Variants in GRID1 observed in about 807,000 individuals in gnomAD.
GRID1 encodes glutamate ionotropic receptor delta type subunit 1, also known as glutamate receptor ionotropic, delta-1.
In GRID1, 28 loss-of-function variants were observed where a neutral mutation model predicts 98.0. The observed-to-expected ratio is 0.29, with a 90% CI of 0.21 to 0.39. The LOEUF (loss-of-function observed/expected upper bound fraction) is 0.39, where lower values mean the gene tolerates loss of function less well. Ranked by LOEUF, GRID1 falls within the 10% of genes least tolerant of loss-of-function variation. The pLI is 1.00. For synonymous variants in GRID1, 553 were observed against 538.5 expected, an observed-to-expected ratio of 1.03 and a Z score of -0.37; for missense variants, 1,111 against 1,340.5, an observed-to-expected ratio of 0.83 and a Z score of 2.67.
chr10:85,634,288 C>T (rs914357168), intron 13 of GRID1, among the ~76,000 whole-genome samples: 95 of 130,018 alleles, frequency 7.3e-4, no homozygotes, highest in African/African-American at 2.2e-3. Context: ...CTCTCTCTCT[C>T]TCTCACACAC....
chr10:85,960,035 C>T (rs1842246021), intron 4 of GRID1, among the ~76,000 whole-genome samples: 1 of 152,104 alleles, frequency 6.6e-6, no homozygotes, highest in Non-Finnish European at 1.5e-5. Flanking sequence ...GCATGTGCCA[C>T]CACTCCTGGC....
At chr10:86,071,821 A>C (rs970796471) in intron 4 of GRID1, among the ~76,000 whole-genome samples, 2 of 152,198 alleles carry the variant, frequency 1.3e-5, no homozygotes, top group Non-Finnish European at 2.9e-5. Context: ...AGGGAAACCC[A>C]GACTACCATG....
chr10:86,043,667 A>T (rs1843379225), intron 4 of GRID1, among the ~76,000 whole-genome samples: 1 of 152,224 alleles, frequency 6.6e-6, no homozygotes, highest in South Asian at 2.1e-4. Flanking sequence ...AATTCAATAA[A>T]ACCGCTCCGG....
chr10:86,156,102 A>C (rs1845242139), intron 3 of GRID1, among the ~76,000 whole-genome samples: 1 of 152,202 alleles, frequency 6.6e-6, no homozygotes, highest in Non-Finnish European at 1.5e-5. Flanking sequence ...TCCACATGTA[A>C]ATGGTAGGAG....
At chr10:85,807,356 T>C (rs201821127) in intron 8 of GRID1, among the ~76,000 whole-genome samples, 1 of 109,776 alleles carries the variant, frequency 9.1e-6, no homozygotes, top group African/African-American at 3.2e-5. Context: ...TCTCCTCAAA[T>C]AAAAAAAAAA....
At chr10:86,257,199 C>T (rs1416643834) in intron 2 of GRID1, among the ~76,000 whole-genome samples, 1 of 152,212 alleles carries the variant, frequency 6.6e-6, no homozygotes, top group Admixed American at 6.5e-5. Context: ...ACAGTCCTCT[C>T]TGAGGTGGGC....
chr10:86,180,503 AG>A (rs1845640036), intron 3 of GRID1, among the ~76,000 whole-genome samples: 1 of 152,168 alleles, frequency 6.6e-6, no homozygotes, highest in Non-Finnish European at 1.5e-5. Context: ...TCCTGAGGTC[AG>A]GGGCAATGAT....
chr10:85,882,283 A>G (rs539621289), intron 5 of GRID1, among the ~76,000 whole-genome samples: 4 of 152,220 alleles, frequency 2.6e-5, no homozygotes, highest in Non-Finnish European at 1.5e-5. Context: ...ATATATACCC[A>G]AAGGATTATA....
intron 12 of GRID1, among the ~76,000 whole-genome samples, chr10:85,706,051 C>T (rs1841514131): frequency 6.6e-6 from 1 of 152,278 alleles, no homozygotes; most frequent in African/African-American, 2.4e-5. Context: ...AAAACTGGCA[C>T]AAGACAGGGA....
intron 2 of GRID1, among the ~76,000 whole-genome samples, chr10:86,295,490 T>A (rs1847575379): frequency 6.6e-6 from 1 of 152,176 alleles, no homozygotes; most frequent in African/African-American, 2.4e-5. Context: ...CACTGCCACC[T>A]TCTCTCTCCT....
At chr10:86,084,554 A>C (rs548416930) in intron 4 of GRID1, among the ~76,000 whole-genome samples, 1 of 152,358 alleles carries the variant, frequency 6.6e-6, no homozygotes, top group East Asian at 1.9e-4. Context: ...AAATAAGTGA[A>C]AGCAGGGTCT....
intron 4 of GRID1, among the ~76,000 whole-genome samples, chr10:86,085,617 A>G (rs944779987): frequency 6.6e-6 from 1 of 152,164 alleles, no homozygotes; most frequent in African/African-American, 2.4e-5. Flanking sequence ...TTCTCACAGA[A>G]TGAAATGGAC....
intron 12 of GRID1, among the ~76,000 whole-genome samples, chr10:85,701,222 T>G (rs1841447483): frequency 1.3e-5 from 2 of 152,132 alleles, no homozygotes; most frequent in Non-Finnish European, 2.9e-5. Context: ...GATTTCTTCT[T>G]ATATTTACAG....
At chr10:85,699,813 C>T (rs1354262471) in intron 12 of GRID1, among the ~76,000 whole-genome samples, 6 of 152,174 alleles carry the variant, frequency 3.9e-5, no homozygotes. Context: ...GATTGCCTAT[C>T]TTTCCTTAGT....
intron 6 of GRID1, among the ~76,000 whole-genome samples, chr10:85,868,485 G>T (rs1417231474): frequency 6.6e-6 from 1 of 152,204 alleles, no homozygotes; most frequent in Non-Finnish European, 1.5e-5. Flanking sequence ...GAACCATGCG[G>T]GTGGGGTTCC....
chr10:86,249,893 G>A (rs1846792880), intron 2 of GRID1, among the ~76,000 whole-genome samples: 1 of 152,206 alleles, frequency 6.6e-6, no homozygotes, highest in South Asian at 2.1e-4. Flanking sequence ...GATGGTGGAA[G>A]GATGAATGGA....
In GRID1 at chr10:85,619,332, G is replaced by A. The variant is rs573697425; in HGVS notation, c.2360+535C>T. On this transcript the variant is annotated intron_variant, in intron 14 of 15. Transcript: ENST00000327946. ...ACAATCAGAGGCCCCATACAGCCAC[G>A]TGCAAATAAATATGGAGACATTCTG... is the stretch of plus-strand genomic sequence containing the variant. 2.7e-4 allele frequency among the ~76,000 whole-genome samples: 41 copies of A among 152,320 alleles called. 1 individual carries two copies. The South Asian group carries it at 8.1e-3, about 30-fold the overall frequency.
At chr10:85,856,605 G>A (rs1310536782) in intron 6 of GRID1, among the ~76,000 whole-genome samples, 2 of 152,196 alleles carry the variant, frequency 1.3e-5, no homozygotes, top group Non-Finnish European at 2.9e-5. Flanking sequence ...ACAGGGCCAG[G>A]TACAGCACAG....
At chr10:85,927,154 A>C (rs1422872046) in intron 4 of GRID1, among the ~76,000 whole-genome samples, 4 of 152,186 alleles carry the variant, frequency 2.6e-5, no homozygotes, top group Non-Finnish European at 5.9e-5. Flanking sequence ...ACCACGTGAG[A>C]AGCCCTCTAG....
Sources: gnomAD v4.1 joint callset for allele counts (sites outside exome capture counted in the v4.1 genomes callset) on GRCh38, gnomAD v4.1.1 for gene constraint, MANE v1.5 for transcripts, NCBI Gene and HGNC (gene_info 2026-07-23, HGNC 2026-07-21) for gene names.